IFT172: variants seen among roughly 807,000 people sequenced by gnomAD.
IFT172 encodes the protein intraflagellar transport 172, also known as intraflagellar transport protein 172 homolog.
A neutral mutation model predicts 248.9 loss-of-function variants in IFT172; 164 were observed. The observed-to-expected ratio is 0.66, with a 90% CI of 0.58 to 0.75. IFT172 has a LOEUF of 0.75. IFT172 is among the 30% of genes least tolerant of loss of function. IFT172 has a pLI of 0.00. For missense variants in IFT172, 1,950 were observed against 2,192.4 expected (o/e 0.89, Z 2.21); for synonymous variants, 729 against 791.6 (o/e 0.92, Z 1.33).
At position 27,476,709 on chromosome 2, in the gene IFT172, C is replaced by G. The variant is rs1275650132; in HGVS notation, c.1343G>C (p.Arg448Thr). The change falls in exon 14 of 48, where the codon AGG (arginine) becomes ACG (threonine). Residue 448 changes from arginine (R) to threonine (T), a missense_variant. This residue lies in a region of IFT172 where 1,166 missense variants were observed against 1,254.1 expected (regional missense o/e 0.93). Transcript: ENST00000260570. ...ATTATCTTCTGTTCCTCGCTGACACCTCTCATTAATACGAACACTGAAACA... is the reference window on the plus strand; with the variant it reads ...ATTATCTTCTGTTCCTCGCTGACACGTCTCATTAATACGAACACTGAAACA... ...PHLISVRINE[R>T]CQRGTEDNKK... 1 of 1,612,414 alleles carries G rather than the reference C, an allele frequency of 6.2e-7. No homozygotes were observed. Among genetic ancestry groups the G allele is most frequent in the Admixed American group, 1.7e-5 (1 of 59,998 alleles).
chr2:27,480,267 C>A lies in IFT172; in HGVS notation c.786-118G>T, dbSNP rs1285751346. 2.9e-6 allele frequency: 4 copies of A among 1,393,612 alleles called. No homozygotes were observed. The African/African-American group carries it at 5.8e-5, about 20-fold the overall frequency. 86.3% of individuals were successfully genotyped at this position (1,393,612 alleles called of 1,614,324 possible). On this transcript the variant is annotated intron_variant, in intron 8 of 47. Transcript: ENST00000260570. ...CAGAAAAGAAAGGAAATAAAAAGAACAGACAAGCTAGGCAGTCTAGCAGAA... is the reference window on the plus strand; with the variant it reads ...CAGAAAAGAAAGGAAATAAAAAGAAAAGACAAGCTAGGCAGTCTAGCAGAA...
chr2:27,455,893 T>C, intron 30 of IFT172: 1 of 373,840 alleles, frequency 2.7e-6, no homozygotes, highest in Non-Finnish European at 5.1e-6. Context: ...AATAAAATGC[T>C]TCACGGACTC....
intron 8 of IFT172, 35 bp from the exon 9 acceptor site, chr2:27,480,184 A>G (rs1668261941): frequency 6.2e-7 from 1 of 1,603,014 alleles, no homozygotes; most frequent in African/African-American, 1.3e-5. Context: ...GAAGAGATTG[A>G]GGCTGAGCTA....
chr2:27,455,801 T>G (rs768025773), intron 30 of IFT172: 7 of 485,462 alleles, frequency 1.4e-5, no homozygotes, highest in Non-Finnish European at 2.7e-5. Flanking sequence ...GTTGGCATCA[T>G]GGACCATGAA....
rs373198860 is a variant in IFT172 at position 27,445,458 on chromosome 2, G to A, written c.4915-9C>T. 1.9e-6 allele frequency: 3 copies of A among 1,607,454 alleles called. No homozygotes were observed. Among genetic ancestry groups the A allele is most frequent in the African/African-American group, 2.7e-5 (2 of 74,760 alleles). On this transcript the variant is annotated splice_polypyrimidine_tract_variant and intron_variant, in intron 45 of 47. Transcript: ENST00000260570. The surrounding 1 kb of genome is among the most constrained non-coding windows in gnomAD (Gnocchi z 4.4). ...TCTTCTCTCTCAGCCTCCTGGAAAG[G>A]ACAAGAAGGGAGTGGTAGCTTCACA...
intron 16 of IFT172, among the ~76,000 whole-genome samples, chr2:27,469,222 G>A (rs1038291254): frequency 2.3e-4 from 35 of 151,296 alleles, no homozygotes; most frequent in African/African-American, 7.8e-4. Flanking sequence ...GGTGAAACCC[G>A]TCTCTACTAA....
rs1374731707 is a variant in IFT172, at chr2:27,449,164, G to A, written c.4311+130C>T. Reference sequence around the variant, plus strand: ...ACCTCTGACCCCAGTTTCAGACTGAGCTTCTCTGATGCCCATTAGAAATCT... The same window carrying A: ...ACCTCTGACCCCAGTTTCAGACTGAACTTCTCTGATGCCCATTAGAAATCT... On this transcript the variant is annotated intron_variant, in intron 39 of 47. Coordinates refer to ENST00000260570, the MANE Select transcript of IFT172 (RefSeq NM_015662.3). The A allele has an allele frequency of 8.0e-6, 10 of 1,248,356 alleles. No individual in the cohort carries two copies. The Admixed American group carries it at 1.5e-4, about 19-fold the overall frequency. 77.3% of individuals were successfully genotyped at this position (1,248,356 alleles called of 1,614,324 possible).
chr2:27,470,033 T>C (rs1260314557), intron 16 of IFT172, among the ~76,000 whole-genome samples: 1 of 151,724 alleles, frequency 6.6e-6, no homozygotes, highest in African/African-American at 2.4e-5. Flanking sequence ...AAACAGGACA[T>C]ATAACTTTCA....
intron 30 of IFT172, chr2:27,455,041 A>C: frequency 3.4e-6 from 1 of 296,298 alleles, no homozygotes; most frequent in South Asian, 3.7e-5. Context: ...TAGCAGAAAC[A>C]GAGTCTCTCC....
Position 27,456,653 on chromosome 2 carries a change from C to T in IFT172, c.3229G>A (p.Val1077Met), listed in dbSNP as rs1666188181. ...ASGLWEEAYR[V>M]ARTQGGANAH... is the part of the protein sequence containing the mutation. ...TTAGCCCCTCCTTGAGTTCTGGCCA[C>T]CTGTAAAGCAAAGTCACTCAATAAT... The change falls in exon 30 of 48, where the codon GTG becomes ATG. Residue 1077 changes from valine to methionine, a missense_variant and splice_region_variant. Physicochemically the swap from Val to Met is conservative, Grantham distance 21. Coordinates refer to ENST00000260570, the MANE Select transcript of IFT172 (RefSeq NM_015662.3). The T allele has an allele frequency of 6.2e-7, 1 of 1,612,546 alleles. No homozygotes were observed. Among genetic ancestry groups the T allele is most frequent in the African/African-American group, 1.3e-5 (1 of 74,846 alleles).
At chr2:27,489,454 C>G (rs1433281953) in intron 1 of IFT172, among the ~76,000 whole-genome samples, 161 bp downstream of exon 1, 2 of 152,224 alleles carry the variant, frequency 1.3e-5, no homozygotes, top group African/African-American at 4.8e-5. Context: ...CCCTGCATCT[C>G]GCCTCCTGGA....
intron 16 of IFT172, among the ~76,000 whole-genome samples, chr2:27,470,294 A>C (rs1028196328): frequency 6.6e-6 from 1 of 152,064 alleles, no homozygotes; most frequent in Non-Finnish European, 1.5e-5. Context: ...AGGAAGAAAG[A>C]GTAAAAGAGA....
rs149065251 is a variant in IFT172, at chr2:27,449,514, C to G, written c.4209G>C (p.Gln1403His). The G allele has an allele frequency of 2.1e-5, 34 of 1,614,214 alleles. No individual in the cohort carries two copies. In the African/African-American group the frequency reaches 4.3e-4, roughly 20 times the overall value. The change falls in exon 38 of 48, where the codon CAG (glutamine) becomes CAC (histidine). Residue 1403 changes from glutamine to histidine, a missense_variant. Around this residue, in one of 3 missense-constraint regions of IFT172, gnomAD observed 620 missense variants for 699.0 expected, o/e 0.89. Coordinates refer to ENST00000260570, the MANE Select transcript of IFT172 (RefSeq NM_015662.3). ...CAAGTCTCACCGAGTCCACTTTGCC[C>G]TGATTCTTGAGGAACTCTTTATAAT... is the stretch of plus-strand genomic sequence containing the variant. ...DQHYKEFLKN[Q>H]GKVDSLVGVD... is the part of the protein sequence containing the mutation.
In IFT172 at chr2:27,454,740, C is replaced by T. The variant is rs1274544771; in HGVS notation, c.3372-80G>A. 8 of 1,219,068 alleles carry T rather than the reference C, an allele frequency of 6.6e-6. No individual in the cohort carries two copies. The African/African-American group carries it at 7.5e-5, about 11-fold the overall frequency. 75.5% of individuals were successfully genotyped at this position (1,219,068 alleles called of 1,614,324 possible). A position where few individuals can be genotyped will look rare whatever the true frequency, so the allele number is the denominator to read the frequency against. On this transcript the variant is annotated intron_variant, in intron 30 of 47. Coordinates refer to ENST00000260570, the MANE Select transcript of IFT172 (RefSeq NM_015662.3). This position sits in a 1 kb window ranked among gnomAD's most constrained non-coding sequence, Gnocchi z 4.2. The stretch of plus-strand genomic sequence containing the variant: ...GGAACAAGACAAAACAGAGAAAGGA[C>T]AGAGTTGAGGGGAGAAAAAGTGACA...
rs774534899 is a variant in IFT172, at chr2:27,465,455, C to T, written c.1893G>A (p.Leu631=). 3.1e-5 allele frequency: 50 copies of T among 1,614,016 alleles called. No homozygotes were observed. Among genetic ancestry groups the T allele is most frequent in the Admixed American group, 2.5e-4 (15 of 59,988 alleles). ...TPETEAMWKT[L]SKLALEARQL... Reference sequence around the variant, plus strand: ...GCCTTGCCTCTAGTGCCAGTTTACTCAAGGTTTTCCACATTGCCTCTGTTT... The same window carrying T: ...GCCTTGCCTCTAGTGCCAGTTTACTTAAGGTTTTCCACATTGCCTCTGTTT... Residue 631 remains leucine, a synonymous_variant, in exon 18 of 48, where the codon TTG becomes TTA. Transcript: ENST00000260570.
chr2:27,480,904 A>G lies in IFT172; in HGVS notation c.785+142T>C, dbSNP rs1668305994. 1.2e-5 allele frequency: 8 copies of G among 660,222 alleles called. No individual in the cohort carries two copies. In the South Asian group the frequency reaches 1.3e-4, roughly 11 times the overall value. 40.9% of individuals were successfully genotyped at this position (660,222 alleles called of 1,614,324 possible). A position where few individuals can be genotyped will look rare whatever the true frequency, so the allele number is the denominator to read the frequency against. ...TGCCAGCACACCAATGGATAGCGGG[A>G]GCAGGAAGAGGAAAGCGCATGAATT... On this transcript the variant is annotated intron_variant, in intron 8 of 47. Transcript: ENST00000260570.
Position 27,445,633 on chromosome 2 carries a change from A to G in IFT172, c.4914+112T>C, listed in dbSNP as rs1293975520. ...TTCTATTTTGCTTCTACTTTCACTG[A>G]AAAAACAGTGAGGGCTGAGGTCCTT... On this transcript the variant is annotated intron_variant, in intron 45 of 47. Coordinates refer to ENST00000260570, the MANE Select transcript of IFT172 (RefSeq NM_015662.3). The surrounding 1 kb of genome is among the most constrained non-coding windows in gnomAD (Gnocchi z 4.4). 1.1e-5 allele frequency: 15 copies of G among 1,393,932 alleles called. No individual in the cohort carries two copies. The Admixed American group carries it at 3.1e-4, about 29-fold the overall frequency. 86.3% of individuals were successfully genotyped at this position (1,393,932 alleles called of 1,614,324 possible).
At chr2:27,448,635 T>C (rs1276120256) in intron 40 of IFT172, among the ~76,000 whole-genome samples, 2 of 152,134 alleles carry the variant, frequency 1.3e-5, no homozygotes, top group Non-Finnish European at 2.9e-5. Context: ...GCAGGATTCA[T>C]CTCTGAAAGA....
intron 15 of IFT172, 77 bp from the exon 16 acceptor site, chr2:27,471,172 G>A: frequency 7.2e-7 from 1 of 1,384,760 alleles, no homozygotes; most frequent in Non-Finnish European, 1.0e-6. Context: ...TTTTCCTAAT[G>A]GTGAGATGTG....
Sources: gnomAD v4.1 joint callset for allele counts (sites outside exome capture counted in the v4.1 genomes callset) on GRCh38, gnomAD v4.1.1 for gene constraint, gnomAD v4.1.1 regional missense constraint, Gnocchi (gnomAD v3.1) non-coding constraint, MANE v1.5 for transcripts, NCBI Gene and HGNC (gene_info 2026-07-23, HGNC 2026-07-21) for gene names.